The following TBC1D4 variants were observed in gnomAD, a reference collection of about 807,000 sequenced individuals.
TBC1D4 encodes TBC1 domain family member 4.
Under a neutral mutation model 142.5 loss-of-function variants are expected in TBC1D4, and 121 were observed. That is an observed-to-expected ratio of 0.85 (90% CI 0.73 to 0.99). The LOEUF (loss-of-function observed/expected upper bound fraction) is 0.99. Among genes scored for constraint, TBC1D4 ranks in the 50% least tolerant of loss-of-function variants. The pLI is 0.00. For synonymous variants in TBC1D4, 630 were observed against 628.2 expected, an observed-to-expected ratio of 1.00 and a Z score of -0.04; for missense variants, 1,475 against 1,606.6, an observed-to-expected ratio of 0.92 and a Z score of 1.40.
chr13:75,384,760 A>G (rs1271329596), intron 1 of TBC1D4, among the ~76,000 whole-genome samples: 1 of 152,178 alleles, frequency 6.6e-6, no homozygotes, highest in Non-Finnish European at 1.5e-5. Flanking sequence ...TATTCCTTCC[A>G]CAACTCTGAA....
chr13:75,375,472 G>A (rs1883446186), intron 1 of TBC1D4: 1 of 152,146 alleles, frequency 6.6e-6, no homozygotes, highest in Admixed American at 6.5e-5. Flanking sequence ...GTTGGGATTG[G>A]GTTCATCTGC....
chr13:75,359,839 T>C lies in TBC1D4; in HGVS notation c.1100A>G (p.Asn367Ser). The change falls in exon 3 of 21, where the codon AAC becomes AGC. Residue 367 changes from asparagine to serine, a missense_variant. This residue lies in a region of TBC1D4 where 1,227 missense variants were observed against 1,267.7 expected (regional missense o/e 0.97). Coordinates refer to ENST00000377636, the MANE Select transcript of TBC1D4 (RefSeq NM_014832.5). The stretch of plus-strand genomic sequence containing the variant: ...TGATTTAGTGTCTGGACTGATAAGG[T>C]TAATCTCAAATCGCCCAACCTTAAA... Reference protein sequence around the residue: ...MLFQVGRFEINLISPDTKSVV... With the variant: ...MLFQVGRFEISLISPDTKSVV... 1 of 1,613,614 alleles carries C rather than the reference T, an allele frequency of 6.2e-7. No homozygotes were observed. Among genetic ancestry groups the C allele is most frequent in the Non-Finnish European group, 8.5e-7 (1 of 1,179,724 alleles).
chr13:75,419,514 T>C (rs927560330), intron 1 of TBC1D4, among the ~76,000 whole-genome samples: 3 of 152,216 alleles, frequency 2.0e-5, no homozygotes, highest in Non-Finnish European at 2.9e-5. Flanking sequence ...TTGTATAAAA[T>C]ATATTATCAA....
chr13:75,284,659 C>T lies in TBC1D4; in HGVS notation c.*2133G>A, dbSNP rs1432484969. 6.6e-6 allele frequency: 1 copy of T among 152,110 alleles called. No homozygotes were observed. The highest frequency in any genetic ancestry group is 6.5e-5 in the Admixed American group (1 of 15,276). The allele number at this position is 152,110 out of a possible 1,614,324, so 9.4% of individuals were successfully genotyped here. On this transcript the variant is annotated 3_prime_UTR_variant, in exon 21 of 21. Coordinates refer to ENST00000377636, the MANE Select transcript of TBC1D4 (RefSeq NM_014832.5). ...GAGCTGCTTCTCTCCCGAAAAGTAA[C>T]AGTATACGTCAAGAAAGCTGCAGCA...
At chr13:75,333,320 C>G (rs1389864367) in intron 8 of TBC1D4, among the ~76,000 whole-genome samples, 4 of 152,178 alleles carry the variant, frequency 2.6e-5, no homozygotes, top group African/African-American at 9.7e-5. Context: ...TTATTGATGA[C>G]TGTACAATGG....
intron 8 of TBC1D4, among the ~76,000 whole-genome samples, chr13:75,330,724 C>T (rs773145370): frequency 6.6e-6 from 1 of 152,242 alleles, no homozygotes; most frequent in Non-Finnish European, 1.5e-5. Context: ...TTAGCCTACA[C>T]AGGTTACATG....
In TBC1D4 at chr13:75,416,428, G is replaced by A. The variant is rs79920197; in HGVS notation, c.499-53821C>T. Among the ~76,000 whole-genome samples, 1,001 of 152,286 alleles carry A rather than the reference G, an allele frequency of 6.6e-3. 11 individuals are homozygous for A. Among genetic ancestry groups the A allele is most frequent in the African/African-American group, 0.022 (915 of 41,570 alleles). On this transcript the variant is annotated intron_variant, in intron 1 of 20. Transcript: ENST00000377636. ...TTCAACAAATATGTATTGAACAACT[G>A]AGTGCTCAGCTCTGTATGATTTACA...
chr13:75,417,681 G>A (rs1435830967), intron 1 of TBC1D4, among the ~76,000 whole-genome samples: 1 of 152,120 alleles, frequency 6.6e-6, no homozygotes, highest in African/African-American at 2.4e-5. Flanking sequence ...GTTTTGTTTT[G>A]TTTTCAGACA....
intron 1 of TBC1D4, among the ~76,000 whole-genome samples, chr13:75,410,143 T>G (rs532525123): frequency 6.6e-6 from 1 of 152,344 alleles, no homozygotes; most frequent in Middle Eastern, 3.4e-3. Flanking sequence ...ATGCTCATGA[T>G]AATCACTCAA....
chr13:75,381,209 C>A (rs1883828179), intron 1 of TBC1D4, among the ~76,000 whole-genome samples: 1 of 152,104 alleles, frequency 6.6e-6, no homozygotes, highest in African/African-American at 2.4e-5. Context: ...TCTTCATTAT[C>A]AACTAACTCC....
intron 11 of TBC1D4, among the ~76,000 whole-genome samples, chr13:75,322,079 C>T (rs1878825310): frequency 6.6e-6 from 1 of 152,184 alleles, no homozygotes; most frequent in Admixed American, 6.5e-5. Context: ...CATTTATTGA[C>T]TGGGGTGAAG....
intron 11 of TBC1D4, among the ~76,000 whole-genome samples, chr13:75,323,147 GAGA>G (rs574734436): frequency 6.6e-6 from 1 of 152,232 alleles, no homozygotes; most frequent in South Asian, 2.1e-4. Flanking sequence ...CTATGTCTAA[GAGA>G]AATAGGCCAA....
chr13:75,370,506 C>T (rs115355754), intron 1 of TBC1D4, among the ~76,000 whole-genome samples: 288 of 152,276 alleles, frequency 1.9e-3, no homozygotes, highest in African/African-American at 6.4e-3. Flanking sequence ...GGTTAGGCAG[C>T]TGCCAGCTTC....
At chr13:75,477,305 G>T (rs932723825) in intron 1 of TBC1D4, among the ~76,000 whole-genome samples, 5 of 152,126 alleles carry the variant, frequency 3.3e-5, no homozygotes, top group Non-Finnish European at 7.4e-5. Flanking sequence ...AACTGGTTAC[G>T]TGAATAAAGC....
chr13:75,358,850 G>A (rs2138156667), intron 3 of TBC1D4, among the ~76,000 whole-genome samples: 1 of 152,080 alleles, frequency 6.6e-6, no homozygotes, highest in Admixed American at 6.5e-5. Context: ...GATGACAGAG[G>A]AAGACCCTGT....
intron 1 of TBC1D4, among the ~76,000 whole-genome samples, chr13:75,459,944 C>A (rs1253421421): frequency 2.6e-5 from 4 of 152,050 alleles, no homozygotes; most frequent in African/African-American, 9.7e-5. Flanking sequence ...AGATCAAGAC[C>A]ATCCTGGGTA....
chr13:75,326,137 A>G, intron 10 of TBC1D4, 60 bp downstream of exon 10: 1 of 1,567,690 alleles, frequency 6.4e-7, no homozygotes, highest in African/African-American at 1.3e-5. Flanking sequence ...TTGACTCCAG[A>G]GTAATCAAAA....
chr13:75,395,279 G>A (rs540145400), intron 1 of TBC1D4, among the ~76,000 whole-genome samples: 3 of 152,178 alleles, frequency 2.0e-5, no homozygotes, highest in African/African-American at 7.2e-5. Context: ...CACCACAGAC[G>A]CCGTGCCTCT....
intron 1 of TBC1D4, among the ~76,000 whole-genome samples, chr13:75,391,098 T>C (rs943922289): frequency 7.0e-6 from 1 of 142,938 alleles, no homozygotes; most frequent in Non-Finnish European, 1.5e-5. Context: ...TCAGATGTCA[T>C]GGCCTCCTGC....
Sources: gnomAD v4.1 joint callset for allele counts (sites outside exome capture counted in the v4.1 genomes callset) on GRCh38, gnomAD v4.1.1 for gene constraint, gnomAD v4.1.1 regional missense constraint, MANE v1.5 for transcripts, NCBI Gene and HGNC (gene_info 2026-07-23, HGNC 2026-07-21) for gene names.